The following ZBTB8B variants were observed in gnomAD, a reference collection of about 807,000 sequenced individuals.
ZBTB8B encodes zinc finger and BTB domain containing 8B, also known as zinc finger and BTB domain-containing protein 8B.
ZBTB8B carries 17 observed loss-of-function variants against 30.3 expected under a neutral mutation model. The observed-to-expected ratio is 0.56, with a 90% CI of 0.38 to 0.84. ZBTB8B has a LOEUF of 0.84. Ranked by LOEUF, ZBTB8B falls within the 40% of genes least tolerant of loss-of-function variation. The pLI is 0.00. For missense variants in ZBTB8B, 515 were observed against 644.9 expected (o/e 0.80, Z 2.18); for synonymous variants, 248 against 255.6 (o/e 0.97, Z 0.28).
intron 2 of ZBTB8B, among the ~76,000 whole-genome samples, chr1:32,480,686 A>G (rs1343377983): frequency 6.6e-6 from 1 of 152,314 alleles, no homozygotes; most frequent in Middle Eastern, 3.4e-3. Context: ...TAAGAAGTCC[A>G]CTTTACTTTA....
chr1:32,478,675 A>G (rs1643681769), intron 2 of ZBTB8B, among the ~76,000 whole-genome samples: 1 of 152,152 alleles, frequency 6.6e-6, no homozygotes, highest in South Asian at 2.1e-4. Flanking sequence ...GAGTATGCAA[A>G]ATGTTAGGCA....
Position 32,484,453 on chromosome 1 carries a change from TA to T in ZBTB8B, c.1171-646del, listed in dbSNP as rs1643728981. Among the ~76,000 whole-genome samples, 1 of 152,060 alleles carries T rather than the reference TA, an allele frequency of 6.6e-6. No homozygotes were observed. The highest frequency in any genetic ancestry group is 6.6e-5 in the Admixed American group (1 of 15,252). ...GAAAGACCTCCTTCCAAGGTGTTCA[TA>T]AGGGGTGAAGGGTTGATGATGGGCA... On this transcript the variant is annotated intron_variant, in intron 3 of 3. Transcript: ENST00000609129. This position sits in a 1 kb window ranked among gnomAD's most constrained non-coding sequence, Gnocchi z 4.5.
rs181812054 is a variant in ZBTB8B, at chr1:32,468,103, G to A, written c.-41-2481G>A. ...TGCACTGCAGCCTGGGTGACAGAGTGAGACCCCATCCCCCATCTCAAAAAA... is the reference window on the plus strand; with the variant it reads ...TGCACTGCAGCCTGGGTGACAGAGTAAGACCCCATCCCCCATCTCAAAAAA... On this transcript the variant is annotated intron_variant, in intron 1 of 3. Coordinates refer to ENST00000609129, the MANE Select transcript of ZBTB8B (RefSeq NM_001145720.2). Among the ~76,000 whole-genome samples, 256 of 152,012 alleles carry A rather than the reference G, an allele frequency of 1.7e-3. 1 individual carries two copies. Among genetic ancestry groups the A allele is most frequent in the African/African-American group, 5.6e-3 (232 of 41,456 alleles).
intron 1 of ZBTB8B, among the ~76,000 whole-genome samples, chr1:32,469,383 C>A (rs1041348305): frequency 6.6e-6 from 1 of 151,418 alleles, no homozygotes; most frequent in African/African-American, 2.4e-5. Flanking sequence ...GTAGCTGGGA[C>A]TCAGGTACCC....
Position 32,485,157 on chromosome 1 carries a change from T to G in ZBTB8B, c.1227T>G (p.Ser409Arg). Residue 409 changes from serine to arginine, a missense_variant, in exon 4 of 4, where the codon AGT becomes AGG. Physicochemically the swap from Ser to Arg is moderately radical, Grantham distance 110 (BLOSUM62 -1). Around this residue, in one of 3 missense-constraint regions of ZBTB8B, gnomAD observed 429 missense variants for 504.3 expected, o/e 0.85. Transcript: ENST00000609129. ...ICKGCRRTFTSHLSQGLRRFG... is the reference protein window; with the variant it reads ...ICKGCRRTFTRHLSQGLRRFG... ...AGGGCTGCAGGAGAACATTCACGAG[T>G]CACCTGTCCCAGGGGCTGCGGCGCT... The G allele has an allele frequency of 1.3e-6, 2 of 1,552,054 alleles. No homozygotes were observed. The highest frequency in any genetic ancestry group is 2.7e-5 in the African/African-American group (2 of 73,140).
intron 2 of ZBTB8B, among the ~76,000 whole-genome samples, chr1:32,479,407 C>T (rs573190054): frequency 1.3e-5 from 2 of 152,134 alleles, no homozygotes; most frequent in South Asian, 4.2e-4. Flanking sequence ...GCTGTAATCC[C>T]AGCTACTCCG....
At chr1:32,470,543 A>G in intron 1 of ZBTB8B, 41 bp from the exon 2 acceptor site, 1 of 929,316 alleles carries the variant, frequency 1.1e-6, no homozygotes, top group South Asian at 1.9e-5. Flanking sequence ...TTGTTTGTAA[A>G]GGTTGGGATT....
chr1:32,482,156 G>A (rs555131210), intron 3 of ZBTB8B, among the ~76,000 whole-genome samples: 1 of 151,816 alleles, frequency 6.6e-6, no homozygotes, highest in Non-Finnish European at 1.5e-5. Context: ...GTGTTTTTTT[G>A]TTGTTGTTGT....
Position 32,493,776 on chromosome 1 carries a change from A to C in ZBTB8B, c.*8358A>C, listed in dbSNP as rs1362660349. The C allele has an allele frequency of 6.6e-6, 1 of 152,150 alleles. No individual in the cohort carries two copies. Among genetic ancestry groups the C allele is most frequent in the East Asian group, 1.9e-4 (1 of 5,190 alleles). The allele number at this position is 152,150 out of a possible 1,614,324, so 9.4% of individuals were successfully genotyped here. A position where few individuals can be genotyped will look rare whatever the true frequency, so the allele number is the denominator to read the frequency against. On this transcript the variant is annotated 3_prime_UTR_variant, in exon 4 of 4. Coordinates refer to ENST00000609129, the MANE Select transcript of ZBTB8B (RefSeq NM_001145720.2). ...AATATAGTATGTAAATTATTTTTCA[A>C]GTAAAAATGAAATGACAACAACAGA...
chr1:32,469,507 A>C (rs1643599843), intron 1 of ZBTB8B, among the ~76,000 whole-genome samples: 2 of 152,062 alleles, frequency 1.3e-5, no homozygotes, highest in Non-Finnish European at 1.5e-5. Context: ...TGCCCGCCTC[A>C]GCCTCCCAAA....
rs1286708415 is a variant in ZBTB8B at position 32,471,405 on chromosome 1, G to T, written c.781G>T (p.Ala261Ser). 5 of 1,551,702 alleles carry T rather than the reference G, an allele frequency of 3.2e-6. No homozygotes were observed. Among genetic ancestry groups the T allele is most frequent in the Non-Finnish European group, 4.4e-6 (5 of 1,147,022 alleles). Residue 261 changes from alanine to serine, a missense_variant, in exon 2 of 4, where the codon GCC becomes TCC. By Grantham distance (99) the Ala-to-Ser change is moderately conservative. Coordinates refer to ENST00000609129, the MANE Select transcript of ZBTB8B (RefSeq NM_001145720.2). ...APLNLAHVEE[A>S]LPSGQAVDLA... ...GCTGAACCTGGCCCACGTGGAGGAG[G>T]CCTTGCCAAGCGGCCAGGCGGTTGA...
In ZBTB8B at chr1:32,470,611, C is replaced by G; in HGVS notation, c.-14C>G. ...ATACAGGTTTGCTCTGGAGCAGCAG[C>G]AGCTGGCGGAGCAATGGAGATGCAA... On this transcript the variant is annotated 5_prime_UTR_variant, in exon 2 of 4. Transcript: ENST00000609129. 2 of 1,539,942 alleles carry G rather than the reference C, an allele frequency of 1.3e-6. No individual in the cohort carries two copies. The highest frequency in any genetic ancestry group is 1.8e-6 in the Non-Finnish European group (2 of 1,138,966).
In ZBTB8B at chr1:32,491,390, C is replaced by T. The variant is rs1322418475; in HGVS notation, c.*5972C>T. The stretch of plus-strand genomic sequence containing the variant: ...TGCAGTGCCCTCCAAGGGTCTTAGG[C>T]CCAACTGAAGGTTTAGAAACATTCA... On this transcript the variant is annotated 3_prime_UTR_variant, in exon 4 of 4. Transcript: ENST00000609129. The T allele has an allele frequency of 6.6e-6, 1 of 152,166 alleles. No homozygotes were observed. Among genetic ancestry groups the T allele is most frequent in the Non-Finnish European group, 1.5e-5 (1 of 68,038 alleles). The allele number at this position is 152,166 out of a possible 1,614,324, so 9.4% of individuals were successfully genotyped here.
chr1:32,484,809 G>T lies in ZBTB8B; in HGVS notation c.1171-292G>T, dbSNP rs1017427187. Among the ~76,000 whole-genome samples, 1 of 151,968 alleles carries T rather than the reference G, an allele frequency of 6.6e-6. No individual in the cohort carries two copies. Among genetic ancestry groups the T allele is most frequent in the Admixed American group, 6.6e-5 (1 of 15,256 alleles). On this transcript the variant is annotated intron_variant, in intron 3 of 3. Coordinates refer to ENST00000609129, the MANE Select transcript of ZBTB8B (RefSeq NM_001145720.2). The surrounding 1 kb of genome is among the most constrained non-coding windows in gnomAD (Gnocchi z 4.5). ...TCCCCCTTTGTCTTCTGCCACAATT[G>T]TAAGTTTCCTGAGGCCTCCCTAGAA...
intron 2 of ZBTB8B, among the ~76,000 whole-genome samples, chr1:32,480,473 CAATT>C (rs781611319): frequency 4.1e-4 from 62 of 152,112 alleles, no homozygotes; most frequent in Non-Finnish European, 7.8e-4. Context: ...TAGGGGGACA[CAATT>C]AAGTCCATAA....
At position 32,489,667 on chromosome 1, in the gene ZBTB8B, C is replaced by T. The variant is rs1204081448; in HGVS notation, c.*4249C>T. ...ACCCAAGTTCACAAAGGGATATTTT[C>T]GTCTCATATTAGATGTATTGCATGA... On this transcript the variant is annotated 3_prime_UTR_variant, in exon 4 of 4. Coordinates refer to ENST00000609129, the MANE Select transcript of ZBTB8B (RefSeq NM_001145720.2). The T allele has an allele frequency of 1.3e-5, 2 of 152,086 alleles. No individual in the cohort carries two copies. The highest frequency in any genetic ancestry group is 6.6e-5 in the Admixed American group (1 of 15,252). 9.4% of individuals were successfully genotyped at this position (152,086 alleles called of 1,614,324 possible). A position where few individuals can be genotyped will look rare whatever the true frequency, so the allele number is the denominator to read the frequency against.
In ZBTB8B at chr1:32,471,603, G is replaced by C. The variant is rs1643622038; in HGVS notation, c.979G>C (p.Gly327Arg). The change falls in exon 2 of 4, where the codon GGA becomes CGA. Residue 327 changes from glycine (G) to arginine (R), a missense_variant. Transcript: ENST00000609129. Reference sequence around the variant, plus strand: ...GATGGATGTCCAGGCTGACTGGTATGGAGAGGACTCAGGTGAGCTCCCTTA... The same window carrying C: ...GATGGATGTCCAGGCTGACTGGTATCGAGAGGACTCAGGTGAGCTCCCTTA... Reference protein sequence around the residue: ...SMMDVQADWYGEDSGDVLVVP... With the variant: ...SMMDVQADWYREDSGDVLVVP... 3.9e-6 allele frequency: 6 copies of C among 1,550,332 alleles called. No individual in the cohort carries two copies. In the Admixed American group the frequency reaches 1.2e-4, roughly 30 times the overall value.
chr1:32,468,168 C>G (rs187091968), intron 1 of ZBTB8B, among the ~76,000 whole-genome samples: 2 of 151,924 alleles, frequency 1.3e-5, no homozygotes, highest in Non-Finnish European at 2.9e-5. Flanking sequence ...CCAACTCAGA[C>G]CAGCTAAACC....
intron 2 of ZBTB8B, among the ~76,000 whole-genome samples, chr1:32,478,959 G>A (rs1478878603): frequency 3.3e-5 from 5 of 152,196 alleles, no homozygotes; most frequent in Admixed American, 6.5e-5. Flanking sequence ...TATGTGCCAC[G>A]TGCTATGCTT....
Sources: allele counts gnomAD v4.1 joint callset (sites outside exome capture counted in the v4.1 genomes callset), GRCh38; gene constraint gnomAD v4.1.1; regional missense constraint gnomAD v4.1.1; non-coding constraint Gnocchi (gnomAD v3.1); transcripts MANE v1.5; gene names NCBI Gene and HGNC (gene_info 2026-07-23, HGNC 2026-07-21).